The following ZNF385D variants were observed in gnomAD, a reference collection of about 807,000 sequenced individuals.
The protein encoded by ZNF385D is zinc finger protein 659.
A neutral mutation model predicts 35.8 loss-of-function variants in ZNF385D; 15 were observed. That is an observed-to-expected ratio of 0.42 (90% CI 0.28 to 0.64). ZNF385D has a LOEUF of 0.64. ZNF385D is among the 30% of genes least tolerant of loss of function. ZNF385D has a pLI of 0.23. For synonymous variants in ZNF385D, 212 were observed against 186.8 expected (o/e 1.13, Z -1.10); for missense variants, 474 against 494.6 (o/e 0.96, Z 0.39).
chr3:21,978,381 G>C (rs1439639748), intron 3 of ZNF385D: 36 of 152,218 alleles, frequency 2.4e-4, no homozygotes, highest in Admixed American at 2.4e-3. Flanking sequence ...TGGAATATTA[G>C]ATATGCTACG....
chr3:22,042,736 C>G (rs1486921855), intron 3 of ZNF385D, among the ~76,000 whole-genome samples: 2 of 147,472 alleles, frequency 1.4e-5, no homozygotes, highest in Non-Finnish European at 2.9e-5. Flanking sequence ...TAAGTAAACA[C>G]TCAGAAATTA....
At chr3:21,600,344 C>G (rs575602259) in intron 2 of ZNF385D, among the ~76,000 whole-genome samples, 2 of 152,172 alleles carry the variant, frequency 1.3e-5, no homozygotes, top group South Asian at 2.1e-4. Flanking sequence ...AATCAGGACC[C>G]CTTTGTTGTA....
chr3:22,193,000 T>A (rs766288914), intron 2 of ZNF385D, among the ~76,000 whole-genome samples: 10 of 152,198 alleles, frequency 6.6e-5, no homozygotes, highest in Non-Finnish European at 2.9e-5. Flanking sequence ...GGCCAAGTTC[T>A]TTCCACCATG....
At chr3:21,886,053 A>G (rs935282962) in intron 3 of ZNF385D, among the ~76,000 whole-genome samples, 1 of 152,154 alleles carries the variant, frequency 6.6e-6, no homozygotes, top group East Asian at 1.9e-4. Flanking sequence ...ATGTTTGACC[A>G]AATATCTGGG....
At chr3:22,301,930 T>C (rs1475256987) in intron 2 of ZNF385D, among the ~76,000 whole-genome samples, 3 of 152,132 alleles carry the variant, frequency 2.0e-5, no homozygotes, top group Non-Finnish European at 4.4e-5. Flanking sequence ...TCTATACCGA[T>C]GCATGTATTT....
At chr3:21,511,673 C>T in intron 3 of ZNF385D, 1 of 456,284 alleles carries the variant, frequency 2.2e-6, no homozygotes, top group Non-Finnish European at 4.4e-6. Flanking sequence ...GCGCATGGAT[C>T]TTTCATGCCC....
chr3:22,269,130 A>G (rs774112439), intron 2 of ZNF385D, among the ~76,000 whole-genome samples: 1 of 151,928 alleles, frequency 6.6e-6, no homozygotes, highest in African/African-American at 2.4e-5. Flanking sequence ...GCCAATGTAT[A>G]TCTGTATGCA....
At chr3:22,312,920 A>G (rs201893753) in intron 2 of ZNF385D, among the ~76,000 whole-genome samples, 73,779 of 120,776 alleles carry the variant, frequency 0.61, 23,567 homozygotes, top group African/African-American at 0.82. Flanking sequence ...CCAAAGGACT[A>G]TAAATCATGC....
chr3:22,286,376 T>C (rs1417863076), intron 2 of ZNF385D, among the ~76,000 whole-genome samples: 1 of 152,086 alleles, frequency 6.6e-6, no homozygotes, highest in Non-Finnish European at 1.5e-5. Flanking sequence ...TATTTTATAT[T>C]GTTTTCCTAC....
At chr3:21,841,132 C>T (rs544914461) in intron 3 of ZNF385D, among the ~76,000 whole-genome samples, 4 of 152,002 alleles carry the variant, frequency 2.6e-5, no homozygotes, top group African/African-American at 9.7e-5. Flanking sequence ...AATGATGGCA[C>T]CTACTATGTA....
At position 21,664,887 on chromosome 3, in the gene ZNF385D, G is replaced by T; in HGVS notation, c.164C>A (p.Ala55Glu). The T allele has an allele frequency of 1.9e-6, 3 of 1,613,534 alleles. No individual in the cohort carries two copies. Among genetic ancestry groups the T allele is most frequent in the Non-Finnish European group, 8.5e-7 (1 of 1,179,632 alleles). Residue 55 changes from alanine (A) to glutamate (E), a missense_variant and splice_region_variant, in exon 2 of 8, where the codon GCG (alanine) becomes GAG (glutamate). By Grantham distance (107) the Ala-to-Glu change is moderately radical. Coordinates refer to ENST00000281523, the MANE Select transcript of ZNF385D (RefSeq NM_024697.3). ...AAGACAAATTTGGCAGGTACTTACC[G>T]CATTGAAATTGGGGAAGAGGTTGAC... ...AAVNLFPNFN[A>E]MDPIQKAVIN... is the part of the protein sequence containing the mutation.
intron 3 of ZNF385D, among the ~76,000 whole-genome samples, chr3:21,521,495 G>A (rs1201630468): frequency 2.0e-5 from 3 of 152,174 alleles, no homozygotes; most frequent in Admixed American, 2.0e-4. Flanking sequence ...GCTTACACTT[G>A]TAATCCCAGC....
chr3:21,434,953 T>A (rs1039506837), intron 5 of ZNF385D, among the ~76,000 whole-genome samples: 6 of 152,144 alleles, frequency 3.9e-5, no homozygotes, highest in Admixed American at 2.6e-4. Flanking sequence ...TTTCACCTCC[T>A]TAAACTCTTG....
At chr3:22,047,318 A>G (rs1699063109) in intron 3 of ZNF385D, among the ~76,000 whole-genome samples, 1 of 152,104 alleles carries the variant, frequency 6.6e-6, no homozygotes, top group Non-Finnish European at 1.5e-5. Context: ...TAATATACTA[A>G]CGAAAGTGAC....
chr3:21,632,248 T>A (rs2125837748), intron 2 of ZNF385D, among the ~76,000 whole-genome samples: 1 of 152,196 alleles, frequency 6.6e-6, no homozygotes, highest in South Asian at 2.1e-4. Context: ...TGTAAAATAA[T>A]GTTGGATTTT....
At chr3:21,772,850 A>G (rs2071133024) in intron 3 of ZNF385D, among the ~76,000 whole-genome samples, 2 of 151,944 alleles carry the variant, frequency 1.3e-5, no homozygotes, top group Admixed American at 1.3e-4. Context: ...TGTAGCATAC[A>G]TATGCACAAT....
Position 22,096,451 on chromosome 3 carries a change from A to C in ZNF385D, c.325+72366T>G, listed in dbSNP as rs576547040. Among the ~76,000 whole-genome samples, 14 of 152,220 alleles carry C rather than the reference A, an allele frequency of 9.2e-5. No individual in the cohort carries two copies. The South Asian group carries it at 2.9e-3, about 32-fold the overall frequency. ...AAAACAGAAAAAATACTAATTGGCT[A>C]TAGTCAAAATTTGATTTAAAAATAT... On this transcript the variant is annotated intron_variant, in intron 3 of 5. Transcript: ENST00000494108.
At chr3:21,954,425 G>T (rs1702197870) in intron 3 of ZNF385D, among the ~76,000 whole-genome samples, 1 of 151,718 alleles carries the variant, frequency 6.6e-6, no homozygotes, top group African/African-American at 2.4e-5. Flanking sequence ...TATTTTATAG[G>T]CTCACAAGGA....
rs1227936799 is a variant in ZNF385D at position 21,584,491 on chromosome 3, G to T, written c.166-19807C>A. The stretch of plus-strand genomic sequence containing the variant: ...TTTTACACTTGATCTTAGCCAAAAG[G>T]CCGAGAAGCTATTAGACTTCTTTTT... On this transcript the variant is annotated intron_variant, in intron 2 of 7. Coordinates refer to ENST00000281523, the MANE Select transcript of ZNF385D (RefSeq NM_024697.3). 2.0e-5 allele frequency among the ~76,000 whole-genome samples: 3 copies of T among 152,202 alleles called. No individual in the cohort carries two copies. In the South Asian group the frequency reaches 6.2e-4, roughly 32 times the overall value.
Sources: allele counts gnomAD v4.1 joint callset (sites outside exome capture counted in the v4.1 genomes callset), GRCh38; gene constraint gnomAD v4.1.1; transcripts MANE v1.5; gene names NCBI Gene and HGNC (gene_info 2026-07-23, HGNC 2026-07-21).